The following AFG1L variants were observed in gnomAD, a reference collection of about 807,000 sequenced individuals.
AFG1L encodes the protein AFG1-like ATPase.
A neutral mutation model predicts 62.2 loss-of-function variants in AFG1L; 53 were observed. The observed-to-expected ratio is 0.85, with a 90% confidence interval of 0.68 to 1.07. The LOEUF is 1.07. Ranked by LOEUF, AFG1L falls within the 50% of genes least tolerant of loss-of-function variation. The probability of loss-of-function intolerance (pLI) is 0.00; values close to 1 mark genes in which losing one functional copy is unlikely to be tolerated. For synonymous variants in AFG1L, 228 were observed against 210.3 expected, an observed-to-expected ratio of 1.08 and a Z score of -0.73; for missense variants, 555 against 590.5, an observed-to-expected ratio of 0.94 and a Z score of 0.62.
chr6:108,350,009 G>A (rs951663771), intron 3 of AFG1L, among the ~76,000 whole-genome samples: 1 of 151,922 alleles, frequency 6.6e-6, no homozygotes. Context: ...GGGTCATTGA[G>A]GTCAGGATTT....
chr6:108,360,921 T>G (rs1779500695), intron 5 of AFG1L, among the ~76,000 whole-genome samples: 1 of 152,220 alleles, frequency 6.6e-6, no homozygotes, highest in Admixed American at 6.5e-5. Flanking sequence ...AAGCAGAGCC[T>G]TTGCACTGGG....
intron 8 of AFG1L, among the ~76,000 whole-genome samples, chr6:108,452,295 A>G (rs898337229): frequency 1.3e-5 from 2 of 152,190 alleles, no homozygotes; most frequent in African/African-American, 4.8e-5. Flanking sequence ...CCATTGCTGA[A>G]GGATCCATGA....
At chr6:108,513,424 G>A (rs56104850) in intron 11 of AFG1L, among the ~76,000 whole-genome samples, 4,263 of 152,298 alleles carry the variant, frequency 0.028, 83 homozygotes, top group South Asian at 0.053. Flanking sequence ...CTAATACTGC[G>A]CTTTTCCAAC....
intron 3 of AFG1L, among the ~76,000 whole-genome samples, chr6:108,351,479 GA>G (rs1562101346): frequency 6.6e-6 from 1 of 152,030 alleles, no homozygotes; most frequent in Non-Finnish European, 1.5e-5. Context: ...GATTCTTTAG[GA>G]TTTTTTTGTG....
rs564056722 is a variant in AFG1L at position 108,322,987 on chromosome 6, A to G, written c.140-838A>G. On this transcript the variant is annotated intron_variant, in intron 1 of 12. Coordinates refer to ENST00000368977, the MANE Select transcript of AFG1L (RefSeq NM_145315.5). ...AAGCAGACACTCTTGCTGTGTCTCA[A>G]TTCCATGTCCAACTCCGTAAAGGTT... Among the ~76,000 whole-genome samples the G allele has an allele frequency of 1.8e-4, 27 of 152,326 alleles. No individual in the cohort carries two copies. In the South Asian group the frequency reaches 5.2e-3, roughly 29 times the overall value.
intron 10 of AFG1L, among the ~76,000 whole-genome samples, chr6:108,488,134 G>T (rs551256521): frequency 3.3e-5 from 5 of 151,996 alleles, no homozygotes; most frequent in South Asian, 2.1e-4. Context: ...CCTTATGCAG[G>T]GTAACAGACA....
chr6:108,355,779 G>C, intron 4 of AFG1L, 24 bp downstream of exon 4: 1 of 1,459,216 alleles, frequency 6.9e-7, no homozygotes. Flanking sequence ...TGAAAGAAGT[G>C]ATTTTTTCAG....
chr6:108,450,791 G>A (rs1772020663), intron 8 of AFG1L, among the ~76,000 whole-genome samples: 1 of 151,980 alleles, frequency 6.6e-6, no homozygotes, highest in South Asian at 2.1e-4. Context: ...GTGTAAGGAA[G>A]GGATCCAGTT....
chr6:108,500,693 A>T (rs530120446), intron 10 of AFG1L, among the ~76,000 whole-genome samples: 1 of 152,288 alleles, frequency 6.6e-6, no homozygotes, highest in South Asian at 2.1e-4. Context: ...GCTGGGTTGA[A>T]TAGTAGTTCT....
intron 7 of AFG1L, 90 bp downstream of exon 7, chr6:108,402,144 A>G: frequency 1.6e-6 from 1 of 627,448 alleles, no homozygotes; most frequent in Non-Finnish European, 2.6e-6. Flanking sequence ...TTGGCATTCA[A>G]GCAGAATTTA....
chr6:108,333,107 C>T (rs1468269883), intron 2 of AFG1L, among the ~76,000 whole-genome samples: 1 of 152,008 alleles, frequency 6.6e-6, no homozygotes. Flanking sequence ...AAAGATTTTT[C>T]ATCAAAAATA....
intron 7 of AFG1L, among the ~76,000 whole-genome samples, chr6:108,407,459 G>A (rs552609050): frequency 1.8e-4 from 27 of 152,154 alleles, no homozygotes; most frequent in South Asian, 1.0e-3. Context: ...TGGGAGAATC[G>A]CTTGAGGCCA....
intron 8 of AFG1L, among the ~76,000 whole-genome samples, chr6:108,448,757 A>T (rs1771922386): frequency 6.6e-6 from 1 of 152,202 alleles, no homozygotes; most frequent in African/African-American, 2.4e-5. Flanking sequence ...ATCTTTAAAA[A>T]TATGCTAGAG....
intron 6 of AFG1L, among the ~76,000 whole-genome samples, chr6:108,390,967 C>T (rs1289286582): frequency 2.6e-5 from 4 of 152,200 alleles, no homozygotes; most frequent in Non-Finnish European, 4.4e-5. Context: ...TGTTCCTATT[C>T]GGCCATCTTG....
At chr6:108,354,301 GT>G (rs917112091) in intron 3 of AFG1L, among the ~76,000 whole-genome samples, 2 of 148,870 alleles carry the variant, frequency 1.3e-5, no homozygotes, top group African/African-American at 2.5e-5. Flanking sequence ...TGAACCCTAT[GT>G]TTTTTTTTTG....
chr6:108,367,458 G>A (rs1470728939), intron 6 of AFG1L, among the ~76,000 whole-genome samples: 1 of 152,096 alleles, frequency 6.6e-6, no homozygotes, highest in East Asian at 1.9e-4. Flanking sequence ...GAAGAGGGCA[G>A]GTTCTGGATG....
chr6:108,429,157 T>C (rs1336076116), intron 7 of AFG1L, among the ~76,000 whole-genome samples: 1 of 152,206 alleles, frequency 6.6e-6, no homozygotes. Flanking sequence ...GCACCATTTA[T>C]TGAATAGTGT....
intron 8 of AFG1L, among the ~76,000 whole-genome samples, chr6:108,460,088 G>A (rs1380322548): frequency 6.6e-6 from 1 of 151,988 alleles, no homozygotes; most frequent in Non-Finnish European, 1.5e-5. Flanking sequence ...AAGCTACAGC[G>A]CAATAAAAAA....
intron 10 of AFG1L, among the ~76,000 whole-genome samples, chr6:108,508,262 T>C (rs947299327): frequency 6.6e-6 from 1 of 152,182 alleles, no homozygotes; most frequent in Admixed American, 6.5e-5. Flanking sequence ...CTGGTCTGTA[T>C]TGGGCTCAAC....
Sources: gnomAD v4.1 joint callset for allele counts (sites outside exome capture counted in the v4.1 genomes callset) on GRCh38, gnomAD v4.1.1 for gene constraint, MANE v1.5 for transcripts, NCBI Gene and HGNC (gene_info 2026-07-23, HGNC 2026-07-21) for gene names.